The following TRPC4 variants were observed in gnomAD, a reference collection of about 807,000 sequenced individuals.
TRPC4 encodes short transient receptor potential channel 4.
TRPC4 carries 49 observed loss-of-function variants against 99.4 expected under a neutral mutation model. The ratio of observed to expected loss-of-function variants is 0.49; its 90% CI spans 0.39 to 0.63. TRPC4 has a LOEUF of 0.63. Ranked by LOEUF, TRPC4 falls within the 20% of genes least tolerant of loss-of-function variation. The pLI, the probability that TRPC4 is intolerant of heterozygous loss-of-function variation, is 0.00. For synonymous variants in TRPC4, 454 were observed against 425.9 expected, an observed-to-expected ratio of 1.07 and a Z score of -0.81; for missense variants, 898 against 1,152.9, an observed-to-expected ratio of 0.78 and a Z score of 3.20.
chr13:37,712,594 G>A (rs1182335126), intron 3 of TRPC4, among the ~76,000 whole-genome samples: 5 of 152,134 alleles, frequency 3.3e-5, no homozygotes, highest in Admixed American at 2.6e-4. Flanking sequence ...TTTTTGAATA[G>A]GAAATCAGAT....
At chr13:37,864,932 G>C (rs1317247980) in intron 1 of TRPC4, among the ~76,000 whole-genome samples, 1 of 151,778 alleles carries the variant, frequency 6.6e-6, no homozygotes, top group Non-Finnish European at 1.5e-5. Flanking sequence ...GCTTACGCAT[G>C]TGCCATTCAT....
chr13:37,651,266 C>T lies in TRPC4; in HGVS notation c.2078G>A (p.Gly693Glu). The change falls in exon 8 of 11, where the codon GGG becomes GAG. Residue 693 changes from glycine (G) to glutamate (E), a missense_variant and splice_region_variant. Gly to Glu is a moderately conservative substitution (Grantham distance 98). Transcript: ENST00000379705. ...AATACTAACATGCTGTGTTCTTACC[C>T]CTATTGTTCCAAAACTTTCTGGCTT... is the stretch of plus-strand genomic sequence containing the variant. ...RRKPESFGTI[G>E]RRAADNLRRH... 5.0e-6 allele frequency: 8 copies of T among 1,613,998 alleles called. No homozygotes were observed. The highest frequency in any genetic ancestry group is 6.8e-6 in the Non-Finnish European group (8 of 1,179,938).
intron 5 of TRPC4, among the ~76,000 whole-genome samples, chr13:37,668,698 A>G (rs538839000): frequency 1.3e-5 from 2 of 152,328 alleles, no homozygotes; most frequent in African/African-American, 4.8e-5. Flanking sequence ...TCTCTGATGC[A>G]TACTTGTGAA....
chr13:37,770,869 A>T (rs1272642536), intron 2 of TRPC4, among the ~76,000 whole-genome samples: 1 of 151,640 alleles, frequency 6.6e-6, no homozygotes, highest in African/African-American at 2.4e-5. Context: ...ACAATCTACT[A>T]CACTTTTCCC....
chr13:37,696,215 T>A (rs1244653395), intron 3 of TRPC4, among the ~76,000 whole-genome samples: 1 of 152,066 alleles, frequency 6.6e-6, no homozygotes, highest in African/African-American at 2.4e-5. Context: ...GAAAACAGCA[T>A]GGGAAAGACC....
chr13:37,714,950 C>A (rs1054489686), intron 3 of TRPC4, among the ~76,000 whole-genome samples: 10 of 152,328 alleles, frequency 6.6e-5, no homozygotes, highest in African/African-American at 2.4e-4. Flanking sequence ...CAAAGCCTAA[C>A]AATTCCTAAT....
chr13:37,781,578 C>A (rs1432726221), intron 2 of TRPC4, among the ~76,000 whole-genome samples: 3 of 152,042 alleles, frequency 2.0e-5, no homozygotes, highest in Non-Finnish European at 4.4e-5. Flanking sequence ...CTACCCCAAT[C>A]AAGGCTTGTT....
At chr13:37,715,828 A>G (rs1379553883) in intron 3 of TRPC4, among the ~76,000 whole-genome samples, 1 of 152,190 alleles carries the variant, frequency 6.6e-6, no homozygotes, top group Non-Finnish European at 1.5e-5. Flanking sequence ...ATTGGCCTAT[A>G]TTAAAAATTG....
At chr13:37,710,686 T>C (rs1954453992) in intron 3 of TRPC4, among the ~76,000 whole-genome samples, 1 of 151,946 alleles carries the variant, frequency 6.6e-6, no homozygotes, top group African/African-American at 2.4e-5. Flanking sequence ...ATTTGTCCCT[T>C]ATTCTGTTCA....
chr13:37,790,870 C>A (rs979977557), intron 1 of TRPC4, among the ~76,000 whole-genome samples: 3 of 151,608 alleles, frequency 2.0e-5, no homozygotes, highest in African/African-American at 7.3e-5. Context: ...TTGGTGAGTT[C>A]AATATATAAA....
rs61181512 is a variant in TRPC4 at position 37,655,365 on chromosome 13, T to TTATATATATA, written c.1689-92_1689-83dup. ...GATAAAACAATAAAGCTTGGCATGATTATATATATATATATATATAATTAA... is the reference window on the plus strand; with the variant it reads ...GATAAAACAATAAAGCTTGGCATGATTATATATATATATATATATATATATATATAATTAA... On this transcript the variant is annotated intron_variant, in intron 6 of 10. Transcript: ENST00000379705. 1.1e-3 allele frequency: 424 copies of TTATATATATA among 370,922 alleles called. 4 individuals carry two copies. The highest frequency in any genetic ancestry group is 0.01 in the African/African-American group (391 of 38,506). The allele number at this position is 370,922 out of a possible 1,614,324, so 23.0% of individuals were successfully genotyped here.
chr13:37,739,692 G>A (rs1236076733), intron 3 of TRPC4, among the ~76,000 whole-genome samples: 1 of 151,778 alleles, frequency 6.6e-6, no homozygotes, highest in Non-Finnish European at 1.5e-5. Context: ...TTTTAGTAGA[G>A]ACAGGGTTTC....
chr13:37,795,206 A>T (rs549454930), intron 1 of TRPC4, among the ~76,000 whole-genome samples: 30 of 152,098 alleles, frequency 2.0e-4, no homozygotes, highest in African/African-American at 6.5e-4. Context: ...AAAATAATTC[A>T]TCAAAAATGG....
At chr13:37,717,628 G>A (rs561072499) in intron 3 of TRPC4, among the ~76,000 whole-genome samples, 1 of 151,012 alleles carries the variant, frequency 6.6e-6, no homozygotes, top group South Asian at 2.1e-4. Flanking sequence ...ATAGAGGGAA[G>A]ACCAGGTGTA....
chr13:37,814,083 C>T (rs1691118189), intron 1 of TRPC4, among the ~76,000 whole-genome samples: 1 of 151,776 alleles, frequency 6.6e-6, no homozygotes, highest in Admixed American at 6.6e-5. Flanking sequence ...CCCACATCAT[C>T]ACAACAATAG....
At chr13:37,663,357 G>T in intron 6 of TRPC4, 59 bp downstream of exon 6, 1 of 1,478,132 alleles carries the variant, frequency 6.8e-7, no homozygotes, top group East Asian at 2.3e-5. Flanking sequence ...TCAAGTTTGT[G>T]ATGTGGTGCA....
At chr13:37,707,572 T>C (rs1220694781) in intron 3 of TRPC4, among the ~76,000 whole-genome samples, 1 of 152,148 alleles carries the variant, frequency 6.6e-6, no homozygotes, top group Non-Finnish European at 1.5e-5. Context: ...AAGCCTCTTA[T>C]ATAGAAAAAG....
intron 5 of TRPC4, among the ~76,000 whole-genome samples, chr13:37,666,509 C>T (rs1361763170): frequency 6.6e-6 from 1 of 152,140 alleles, no homozygotes; most frequent in Non-Finnish European, 1.5e-5. Flanking sequence ...TTTATCCCAT[C>T]CTTCACATAG....
In TRPC4 at chr13:37,651,299, A is replaced by G. The variant is rs769187163; in HGVS notation, c.2045T>C (p.Met682Thr). 1.9e-6 allele frequency: 3 copies of G among 1,614,138 alleles called. No homozygotes were observed. The highest frequency in any genetic ancestry group is 2.5e-6 in the Non-Finnish European group (3 of 1,179,968). ...WIWTHLCKKKMRRKPESFGTI... is the reference protein window; with the variant it reads ...WIWTHLCKKKTRRKPESFGTI... ...TCCAAAACTTTCTGGCTTTCTTCTC[A>G]TCTTTTTCTTGCACAAGTGTGTCCA... Residue 682 changes from methionine to threonine, a missense_variant, in exon 8 of 11, where the codon ATG becomes ACG. Transcript: ENST00000379705.
Sources: gnomAD v4.1 joint callset for allele counts (sites outside exome capture counted in the v4.1 genomes callset) on GRCh38, gnomAD v4.1.1 for gene constraint, MANE v1.5 for transcripts, NCBI Gene and HGNC (gene_info 2026-07-23, HGNC 2026-07-21) for gene names.